Variants in AGPAT3 observed in about 807,000 individuals in gnomAD.
AGPAT3 encodes 1-acyl-sn-glycerol-3-phosphate acyltransferase gamma.
AGPAT3 carries 5 observed loss-of-function variants against 47.3 expected under a neutral mutation model. That is an observed-to-expected ratio of 0.11 (90% CI 0.06 to 0.22). The LOEUF is 0.22. Ranked by LOEUF, AGPAT3 falls within the 10% of genes least tolerant of loss-of-function variation. The probability of loss-of-function intolerance (pLI) is 1.00; values close to 1 mark genes in which losing one functional copy is unlikely to be tolerated. For missense variants in AGPAT3, 315 were observed against 493.0 expected, an observed-to-expected ratio of 0.64 and a Z score of 3.42; for synonymous variants, 212 against 208.3, an observed-to-expected ratio of 1.02 and a Z score of -0.15.
intron 3 of AGPAT3, among the ~76,000 whole-genome samples, chr21:43,963,814 T>TA (rs1440861099): frequency 6.6e-6 from 1 of 152,024 alleles, no homozygotes; most frequent in African/African-American, 2.4e-5. Flanking sequence ...GCAGATTTCT[T>TA]ACGGCAGGCA....
intron 1 of AGPAT3, among the ~76,000 whole-genome samples, chr21:43,879,694 TGC>T (rs2085812682): frequency 6.6e-6 from 1 of 152,242 alleles, no homozygotes; most frequent in Admixed American, 6.5e-5. Context: ...GTGGACCTGC[TGC>T]GCTGTGTGCG....
rs9306164 is a variant in AGPAT3 at position 43,933,278 on chromosome 21, T to C, written c.-48-26356T>C. On this transcript the variant is annotated intron_variant, in intron 2 of 9. Coordinates refer to ENST00000291572, the MANE Select transcript of AGPAT3 (RefSeq NM_020132.5). The surrounding 1 kb of genome is among the most constrained non-coding windows in gnomAD (Gnocchi z 6.0). ...CTATTGAGTCTGAGCCCCTTTACCC[T>C]GTGGATGCTGGGCCTGCATCGGGCA... is the stretch of plus-strand genomic sequence containing the variant. 0.76 allele frequency among the ~76,000 whole-genome samples: 116,114 copies of C among 152,022 alleles called. 44,445 individuals are homozygous for C. Among genetic ancestry groups the C allele is most frequent in the Admixed American group, 0.84 (12,774 of 15,294 alleles).
At chr21:43,881,947 A>C (rs2085862387) in intron 1 of AGPAT3, among the ~76,000 whole-genome samples, 1 of 152,254 alleles carries the variant, frequency 6.6e-6, no homozygotes, top group Non-Finnish European at 1.5e-5. Context: ...GTGAGCCACC[A>C]TGCACGGCCT....
intron 2 of AGPAT3, among the ~76,000 whole-genome samples, chr21:43,917,179 C>A (rs1424021526): frequency 6.6e-6 from 1 of 151,494 alleles, no homozygotes; most frequent in Non-Finnish European, 1.5e-5. Context: ...CCCGCCCCCG[C>A]CCCCCACACA....
At chr21:43,909,322 G>C (rs1188492841) in intron 2 of AGPAT3, among the ~76,000 whole-genome samples, 1 of 143,998 alleles carries the variant, frequency 6.9e-6, no homozygotes, top group African/African-American at 2.6e-5. Context: ...TTGAGACGGG[G>C]TCTCACTCTG....
chr21:43,880,093 A>G lies in AGPAT3; in HGVS notation c.-112+14748A>G, dbSNP rs1266526642. Among the ~76,000 whole-genome samples the G allele has an allele frequency of 6.6e-6, 1 of 152,206 alleles. No individual in the cohort carries two copies. The highest frequency in any genetic ancestry group is 1.5e-5 in the Non-Finnish European group (1 of 68,026). On this transcript the variant is annotated intron_variant, in intron 1 of 9. Coordinates refer to ENST00000291572, the MANE Select transcript of AGPAT3 (RefSeq NM_020132.5). The surrounding 1 kb of genome is among the most constrained non-coding windows in gnomAD (Gnocchi z 4.5). ...TTGCGTCCCCAGGCATCTTAGGAGCACTGTGGAAACTCAGGGTGTGGACTT... is the reference window on the plus strand; with the variant it reads ...TTGCGTCCCCAGGCATCTTAGGAGCGCTGTGGAAACTCAGGGTGTGGACTT...
chr21:43,956,309 G>A (rs562058956), intron 2 of AGPAT3, among the ~76,000 whole-genome samples: 63 of 152,348 alleles, frequency 4.1e-4, no homozygotes, highest in African/African-American at 1.5e-3. Context: ...GGCGAGCACT[G>A]ACTTCTGAGC....
At chr21:43,911,214 C>T (rs1375872503) in intron 2 of AGPAT3, among the ~76,000 whole-genome samples, 1 of 152,236 alleles carries the variant, frequency 6.6e-6, no homozygotes, top group Non-Finnish European at 1.5e-5. Context: ...AGAAACACTT[C>T]CTCTTTTATG....
Position 43,983,177 on chromosome 21 carries a change from TC to T in AGPAT3, c.*787del, listed in dbSNP as rs2029890768. 1 of 152,228 alleles carries T rather than the reference TC, an allele frequency of 6.6e-6. No homozygotes were observed. Among genetic ancestry groups the T allele is most frequent in the African/African-American group, 2.4e-5 (1 of 41,450 alleles). The allele number at this position is 152,228 out of a possible 1,614,324, so 9.4% of individuals were successfully genotyped here. A position where few individuals can be genotyped will look rare whatever the true frequency, so the allele number is the denominator to read the frequency against. ...CTCATGGCTGTCAGATCCTGGTCCC[TC>T]CACACTGGGTGCTGGGGAGGGAGGA... On this transcript the variant is annotated 3_prime_UTR_variant, in exon 10 of 10. Coordinates refer to ENST00000291572, the MANE Select transcript of AGPAT3 (RefSeq NM_020132.5).
intron 1 of AGPAT3, among the ~76,000 whole-genome samples, chr21:43,877,490 T>G (rs1234406102): frequency 1.3e-5 from 2 of 152,136 alleles, no homozygotes; most frequent in East Asian, 3.9e-4. Flanking sequence ...TTGCCCAGTC[T>G]GGAGTACAAT....
intron 3 of AGPAT3, among the ~76,000 whole-genome samples, chr21:43,963,438 G>A (rs141541205): frequency 1.3e-4 from 20 of 152,248 alleles, no homozygotes; most frequent in Admixed American, 1.3e-3. Flanking sequence ...AGCCGGGCGC[G>A]GTGGCTCACG....
chr21:43,935,292 AT>A (rs1429803793), intron 2 of AGPAT3, among the ~76,000 whole-genome samples: 2 of 152,244 alleles, frequency 1.3e-5, no homozygotes, highest in Non-Finnish European at 2.9e-5. Context: ...ACAAGAGCAA[AT>A]GTCAGAGCTG....
At position 43,981,251 on chromosome 21, in the gene AGPAT3, C is replaced by T. The variant is rs532317867; in HGVS notation, c.1042+64C>T. 75 of 1,559,096 alleles carry T rather than the reference C, an allele frequency of 4.8e-5. No individual in the cohort carries two copies. Among genetic ancestry groups the T allele is most frequent in the South Asian group, 2.0e-4 (18 of 89,048 alleles). On this transcript the variant is annotated intron_variant, in intron 9 of 9. Coordinates refer to ENST00000291572, the MANE Select transcript of AGPAT3 (RefSeq NM_020132.5). This position sits in a 1 kb window ranked among gnomAD's most constrained non-coding sequence, Gnocchi z 5.3. ...GCCTCACAGTATCAGCCACAGGGTC[C>T]GGGACCTGGTGACTCATCACAGTGG... is the stretch of plus-strand genomic sequence containing the variant.
chr21:43,921,070 G>A (rs934320316), intron 2 of AGPAT3, among the ~76,000 whole-genome samples: 14 of 152,172 alleles, frequency 9.2e-5, no homozygotes, highest in Non-Finnish European at 1.3e-4. Context: ...CCGAGATCGG[G>A]CCACTGCATT....
intron 2 of AGPAT3, among the ~76,000 whole-genome samples, chr21:43,924,785 G>T (rs1162483727): frequency 3.9e-5 from 6 of 152,278 alleles, no homozygotes; most frequent in East Asian, 1.9e-4. Context: ...CCACCCTGCC[G>T]CAAGGGGCTT....
At chr21:43,867,491 A>G (rs1445615807) in intron 1 of AGPAT3, 1 of 152,310 alleles carries the variant, frequency 6.6e-6, no homozygotes, top group East Asian at 1.9e-4. Flanking sequence ...ATCAATCTTC[A>G]GCCCCGCTTA....
rs1426527167 is a variant in AGPAT3, at chr21:43,932,535, G to A, written c.-48-27099G>A. 2.6e-5 allele frequency among the ~76,000 whole-genome samples: 4 copies of A among 152,210 alleles called. No homozygotes were observed. The highest frequency in any genetic ancestry group is 9.6e-5 in the African/African-American group (4 of 41,456). ...GGTGGGCACCTGGGCTGCCTCCATC[G>A]TGTGGCTGTTGGGGGTGATGCTGCA... is the stretch of plus-strand genomic sequence containing the variant. On this transcript the variant is annotated intron_variant, in intron 2 of 9. Coordinates refer to ENST00000291572, the MANE Select transcript of AGPAT3 (RefSeq NM_020132.5). The surrounding 1 kb of genome is among the most constrained non-coding windows in gnomAD (Gnocchi z 5.2).
chr21:43,981,008 A>T lies in AGPAT3; in HGVS notation c.863A>T (p.Tyr288Phe). Residue 288 changes from tyrosine (Y) to phenylalanine (F), a missense_variant, in exon 9 of 10, where the codon TAT (tyrosine) becomes TTT (phenylalanine). By Grantham distance (22) the Tyr-to-Phe change is conservative. Transcript: ENST00000291572. The surrounding 1 kb of genome is among the most constrained non-coding windows in gnomAD (Gnocchi z 5.3). ...TTCTAGGACGCGCTCCAGGAGATAT[A>T]TAATCAGAAGGGCATGTTTCCAGGG... ...YQEKDALQEI[Y>F]NQKGMFPGEQ... 1 of 1,614,160 alleles carries T rather than the reference A, an allele frequency of 6.2e-7. No individual in the cohort carries two copies. The highest frequency in any genetic ancestry group is 8.5e-7 in the Non-Finnish European group (1 of 1,180,034).
At chr21:43,872,992 C>G (rs1342984710) in intron 1 of AGPAT3, among the ~76,000 whole-genome samples, 1 of 152,216 alleles carries the variant, frequency 6.6e-6, no homozygotes, top group Non-Finnish European at 1.5e-5. Flanking sequence ...GCGGCCTCCC[C>G]CTGCCGGGAC....
Sources: allele counts gnomAD v4.1 joint callset (sites outside exome capture counted in the v4.1 genomes callset), GRCh38; gene constraint gnomAD v4.1.1; non-coding constraint Gnocchi (gnomAD v3.1); transcripts MANE v1.5; gene names NCBI Gene and HGNC (gene_info 2026-07-23, HGNC 2026-07-21).